The following ATXN1 variants were observed in gnomAD, a reference collection of about 807,000 sequenced individuals.
ATXN1 encodes the protein ataxin 1.
In ATXN1, 8 loss-of-function variants were observed where a neutral mutation model predicts 56.4. That is an observed-to-expected ratio of 0.14 (90% CI 0.08 to 0.26). The LOEUF is 0.26. Among genes scored for constraint, ATXN1 ranks in the 10% least tolerant of loss-of-function variants. The probability of loss-of-function intolerance (pLI) is 1.00; values close to 1 mark genes in which losing one functional copy is unlikely to be tolerated. For synonymous variants in ATXN1, 514 were observed against 494.6 expected, an observed-to-expected ratio of 1.04 and a Z score of -0.52; for missense variants, 987 against 1,106.5, an observed-to-expected ratio of 0.89 and a Z score of 1.53.
intron 3 of ATXN1, among the ~76,000 whole-genome samples, chr6:16,655,720 A>C (rs1758185246): frequency 6.6e-6 from 1 of 152,088 alleles, no homozygotes; most frequent in Non-Finnish European, 1.5e-5. Context: ...ATAAATTAAA[A>C]TTAAATACAT....
At chr6:16,492,491 A>C (rs1202810276) in intron 5 of ATXN1, among the ~76,000 whole-genome samples, 2 of 152,160 alleles carry the variant, frequency 1.3e-5, no homozygotes, top group Non-Finnish European at 2.9e-5. Context: ...GGTGTTGTTT[A>C]AGTCACTATA....
chr6:16,709,585 C>T (rs763797691), intron 2 of ATXN1, among the ~76,000 whole-genome samples: 2 of 152,096 alleles, frequency 1.3e-5, no homozygotes, highest in African/African-American at 4.8e-5. Context: ...AGAACCTTCA[C>T]ACAAAGAGAA....
intron 2 of ATXN1, among the ~76,000 whole-genome samples, chr6:16,734,023 C>T (rs546535251): frequency 4.1e-4 from 62 of 151,604 alleles, no homozygotes; most frequent in African/African-American, 1.4e-3. Flanking sequence ...ACCCAAGAGG[C>T]GGAGATTGCA....
chr6:16,439,367 C>CGGG (rs1561896174), intron 6 of ATXN1, among the ~76,000 whole-genome samples: 4 of 754 alleles, frequency 5.3e-3, no homozygotes, highest in South Asian at 0.045. Context: ...GGGGCGGGGC[C>CGGG]GGGGGCGGGG....
At chr6:16,716,328 G>C (rs1561820156) in intron 2 of ATXN1, among the ~76,000 whole-genome samples, 1 of 152,174 alleles carries the variant, frequency 6.6e-6, no homozygotes, top group Non-Finnish European at 1.5e-5. Context: ...AGTCAGTTTG[G>C]AAAATAGCTC....
At position 16,644,980 on chromosome 6, in the gene ATXN1, A is replaced by G. The variant is rs1044092492; in HGVS notation, c.-489+12796T>C. Among the ~76,000 whole-genome samples the G allele has an allele frequency of 3.5e-4, 54 of 152,346 alleles. 1 individual carries two copies. The highest frequency in any genetic ancestry group is 9.8e-4 in the Admixed American group (15 of 15,306). The stretch of plus-strand genomic sequence containing the variant: ...CAAAACTGTTCAAGCTAATAAATAC[A>G]GATTTGGGCCAAATTTACATAATAT... On this transcript the variant is annotated intron_variant, in intron 3 of 7. Transcript: ENST00000436367.
intron 2 of ATXN1, among the ~76,000 whole-genome samples, chr6:16,713,940 A>G (rs1310493528): frequency 1.3e-5 from 2 of 152,162 alleles, no homozygotes; most frequent in African/African-American, 4.8e-5. Context: ...GGTGGATCAC[A>G]TGAGGCCAGA....
intron 3 of ATXN1, among the ~76,000 whole-genome samples, chr6:16,628,996 T>C (rs1053520122): frequency 1.3e-5 from 2 of 152,204 alleles, no homozygotes; most frequent in African/African-American, 2.4e-5. Context: ...AGTAATGGGA[T>C]TGCTGGGTCG....
chr6:16,644,312 C>G (rs1275928740), intron 3 of ATXN1, among the ~76,000 whole-genome samples: 1 of 152,022 alleles, frequency 6.6e-6, no homozygotes, highest in African/African-American at 2.4e-5. Context: ...GTCAAGAGAT[C>G]GAGACCATCC....
intron 6 of ATXN1, among the ~76,000 whole-genome samples, chr6:16,351,318 G>A (rs78072812): frequency 6.6e-6 from 1 of 151,812 alleles, no homozygotes; most frequent in East Asian, 1.9e-4. Context: ...TGGCAGCAGA[G>A]CATTTCCATT....
intron 3 of ATXN1, among the ~76,000 whole-genome samples, chr6:16,604,081 T>C (rs577449776): frequency 1.3e-5 from 2 of 152,088 alleles, no homozygotes; most frequent in Non-Finnish European, 2.9e-5. Context: ...TGTCCTCTCA[T>C]GGATAAGGCT....
intron 4 of ATXN1, among the ~76,000 whole-genome samples, chr6:16,544,745 A>T (rs1195682379): frequency 6.6e-6 from 1 of 152,210 alleles, no homozygotes; most frequent in East Asian, 1.9e-4. Flanking sequence ...TGCAGCTTGC[A>T]TCTGAGATCC....
At chr6:16,438,492 G>C (rs570891540) in intron 6 of ATXN1, among the ~76,000 whole-genome samples, 96 of 152,190 alleles carry the variant, frequency 6.3e-4, no homozygotes, top group Non-Finnish European at 1.2e-3. Flanking sequence ...TCAAGAGAAA[G>C]GTAAAGGTGA....
chr6:16,702,716 C>G (rs1051081389), intron 2 of ATXN1, among the ~76,000 whole-genome samples: 21 of 152,220 alleles, frequency 1.4e-4, no homozygotes, highest in Non-Finnish European at 1.9e-4. Context: ...ATTTATGCAG[C>G]CAAAAGACAA....
intron 3 of ATXN1, among the ~76,000 whole-genome samples, chr6:16,643,038 G>A (rs1453204004): frequency 6.6e-6 from 1 of 152,138 alleles, no homozygotes; most frequent in Non-Finnish European, 1.5e-5. Context: ...GGGAGGCTGA[G>A]GTGGGTGGAT....
chr6:16,310,791 T>C (rs560171915), intron 7 of ATXN1, among the ~76,000 whole-genome samples: 5 of 152,200 alleles, frequency 3.3e-5, no homozygotes, highest in East Asian at 1.9e-4. Flanking sequence ...CAGGCCTCCA[T>C]TGGATTTTAT....
rs1161502136 is a variant in ATXN1, at chr6:16,398,212, C to T, written c.-160-69742G>A. On this transcript the variant is annotated intron_variant, in intron 6 of 7. Coordinates refer to ENST00000436367, the MANE Select transcript of ATXN1 (RefSeq NM_001128164.2). Reference sequence around the variant, plus strand: ...CGAACTCCACCATCTAAGCTCCCTTCCTGCCCAAAGGCAGAAATTACATCC... The same window carrying T: ...CGAACTCCACCATCTAAGCTCCCTTTCTGCCCAAAGGCAGAAATTACATCC... 3.3e-5 allele frequency among the ~76,000 whole-genome samples: 5 copies of T among 152,190 alleles called. No individual in the cohort carries two copies. In the South Asian group the frequency reaches 8.3e-4, roughly 25 times the overall value.
intron 6 of ATXN1, among the ~76,000 whole-genome samples, chr6:16,424,003 G>C (rs1759090410): frequency 6.6e-6 from 1 of 152,168 alleles, no homozygotes; most frequent in African/African-American, 2.4e-5. Flanking sequence ...ATTATATAAA[G>C]TCCTTTTAAC....
intron 2 of ATXN1, among the ~76,000 whole-genome samples, chr6:16,728,923 T>G (rs1150634): frequency 0.69 from 104,281 of 151,978 alleles, 35,899 homozygotes; most frequent in East Asian, 0.86. Context: ...CTTCTATTTA[T>G]TCCTAGTTAC....
Sources: allele counts gnomAD v4.1 joint callset (sites outside exome capture counted in the v4.1 genomes callset), GRCh38; gene constraint gnomAD v4.1.1; transcripts MANE v1.5; gene names NCBI Gene and HGNC (gene_info 2026-07-23, HGNC 2026-07-21).